Variants in MCC observed in about 807,000 individuals in gnomAD.
MCC encodes the protein colorectal mutant cancer protein.
A neutral mutation model predicts 116.2 loss-of-function variants in MCC; 90 were observed. The observed-to-expected ratio is 0.77, with a 90% confidence interval of 0.65 to 0.92. The LOEUF (loss-of-function observed/expected upper bound fraction) is 0.92. MCC is among the 40% of genes least tolerant of loss of function. The probability of loss-of-function intolerance (pLI) is 0.00; values close to 1 mark genes in which losing one functional copy is unlikely to be tolerated. For missense variants in MCC, 1,516 were observed against 1,312.2 expected (o/e 1.16, Z -2.40); for synonymous variants, 578 against 510.5 (o/e 1.13, Z -1.78).
At chr5:113,426,069 T>G (rs972240712) in intron 1 of MCC, among the ~76,000 whole-genome samples, 1 of 151,860 alleles carries the variant, frequency 6.6e-6, no homozygotes, top group African/African-American at 2.4e-5. Context: ...TGAGGGCTGG[T>G]AGGTTTCCAA....
intron 6 of MCC, among the ~76,000 whole-genome samples, chr5:113,115,533 C>T (rs536234732): frequency 2.4e-4 from 37 of 152,224 alleles, no homozygotes; most frequent in African/African-American, 8.7e-4. Context: ...GATAACCTAA[C>T]ATCAACTCCA....
intron 3 of MCC, chr5:113,295,095 G>T: frequency 3.8e-6 from 1 of 265,296 alleles, no homozygotes; most frequent in Non-Finnish European, 5.8e-6. Flanking sequence ...CCAGTTCTCT[G>T]CAATAGTAAT....
intron 3 of MCC, among the ~76,000 whole-genome samples, chr5:113,289,107 T>C (rs1766378823): frequency 6.6e-6 from 1 of 152,038 alleles, no homozygotes; most frequent in African/African-American, 2.4e-5. Context: ...CTGAGGTAGA[T>C]GGATCACAAG....
chr5:113,451,524 CG>C (rs1771396062), intron 1 of MCC, among the ~76,000 whole-genome samples: 1 of 152,104 alleles, frequency 6.6e-6, no homozygotes, highest in Non-Finnish European at 1.5e-5. Context: ...CACCTGAGTT[CG>C]GGAGTTCAAG....
At chr5:113,450,527 G>A (rs1771362442) in intron 1 of MCC, among the ~76,000 whole-genome samples, 1 of 152,168 alleles carries the variant, frequency 6.6e-6, no homozygotes, top group Admixed American at 6.5e-5. Flanking sequence ...TTTTGGCCAG[G>A]ACCATTTGCT....
chr5:113,269,890 T>G (rs1581345554), intron 3 of MCC, among the ~76,000 whole-genome samples: 1 of 152,336 alleles, frequency 6.6e-6, no homozygotes, highest in Admixed American at 6.5e-5. Flanking sequence ...GTACACTGAG[T>G]TCAGCACCCA....
intron 1 of MCC, among the ~76,000 whole-genome samples, chr5:113,454,681 A>G (rs1036113151): frequency 6.6e-6 from 1 of 152,224 alleles, no homozygotes; most frequent in Non-Finnish European, 1.5e-5. Context: ...TATTTGCTCT[A>G]TAAGGACAGA....
chr5:113,401,872 C>T (rs187060059), intron 1 of MCC, among the ~76,000 whole-genome samples: 27 of 151,682 alleles, frequency 1.8e-4, no homozygotes, highest in African/African-American at 6.0e-4. Flanking sequence ...TTTTTTGAGA[C>T]AGGGTCTTCC....
intron 1 of MCC, among the ~76,000 whole-genome samples, chr5:113,441,203 C>T (rs961461977): frequency 2.0e-5 from 3 of 151,972 alleles, no homozygotes; most frequent in Admixed American, 1.3e-4. Flanking sequence ...GGTTTGGTGG[C>T]GGGTGCCTGT....
At chr5:113,268,507 A>G (rs978995592) in intron 3 of MCC, among the ~76,000 whole-genome samples, 4 of 152,094 alleles carry the variant, frequency 2.6e-5, no homozygotes, top group Non-Finnish European at 5.9e-5. Flanking sequence ...CAACAAGAAA[A>G]ATTTTGTATC....
At chr5:113,295,017 G>T (rs1314608539) in intron 3 of MCC, 3 of 947,238 alleles carry the variant, frequency 3.2e-6, no homozygotes, top group African/African-American at 3.5e-5. Context: ...AGGGAGAAAA[G>T]GGTGGGGGCG....
intron 3 of MCC, among the ~76,000 whole-genome samples, chr5:113,265,893 A>C (rs1359222079): frequency 6.6e-6 from 1 of 152,142 alleles, no homozygotes; most frequent in Non-Finnish European, 1.5e-5. Flanking sequence ...ATGCAGGGCA[A>C]TCCCTAGAAA....
At chr5:113,242,371 G>T (rs1488621024) in intron 3 of MCC, among the ~76,000 whole-genome samples, 1 of 152,066 alleles carries the variant, frequency 6.6e-6, no homozygotes, top group Non-Finnish European at 1.5e-5. Context: ...TTAGGAGGAG[G>T]AACAGCCAAT....
chr5:113,075,501 G>A (rs540879371), intron 11 of MCC, among the ~76,000 whole-genome samples: 5 of 152,236 alleles, frequency 3.3e-5, no homozygotes, highest in African/African-American at 1.2e-4. Flanking sequence ...CTGGGCTCTT[G>A]AGTCGGGTGG....
intron 1 of MCC, among the ~76,000 whole-genome samples, chr5:113,412,965 G>A (rs1580345471): frequency 2.0e-5 from 3 of 152,276 alleles, no homozygotes; most frequent in Non-Finnish European, 4.4e-5. Context: ...AGCTTATTGA[G>A]AGTTTTTAGC....
chr5:113,406,775 G>T (rs1380862079), intron 1 of MCC, among the ~76,000 whole-genome samples: 1 of 152,146 alleles, frequency 6.6e-6, no homozygotes, highest in Non-Finnish European at 1.5e-5. Context: ...AGAGAATTTA[G>T]AGTCACTGAT....
chr5:113,217,478 T>C (rs565616868), intron 3 of MCC, among the ~76,000 whole-genome samples: 1 of 150,380 alleles, frequency 6.6e-6, no homozygotes, highest in Non-Finnish European at 1.5e-5. Context: ...ATACAAAACT[T>C]CATCTTTCTT....
At chr5:113,448,895 T>C (rs6872490) in intron 1 of MCC, among the ~76,000 whole-genome samples, 32,862 of 152,206 alleles carry the variant, frequency 0.22, 3,869 homozygotes, top group African/African-American at 0.31. Flanking sequence ...AATCTTGTAT[T>C]TTATTTATTC....
intron 1 of MCC, chr5:113,433,700 C>G (rs1456469096): frequency 4.4e-6 from 7 of 1,583,446 alleles, no homozygotes; most frequent in Non-Finnish European, 4.3e-6. Context: ...GGCTTTAAGC[C>G]GTGAGCTCCA....
Sources: gnomAD v4.1 joint callset for allele counts (sites outside exome capture counted in the v4.1 genomes callset) on GRCh38, gnomAD v4.1.1 for gene constraint, MANE v1.5 for transcripts, NCBI Gene and HGNC (gene_info 2026-07-23, HGNC 2026-07-21) for gene names.